The following ZNF488 variants were observed in gnomAD, a reference collection of about 807,000 sequenced individuals.
The protein encoded by ZNF488 is zinc finger protein 488.
ZNF488 carries 1 observed loss-of-function variant against 1.2 expected under a neutral mutation model. That is an observed-to-expected ratio of 0.86 (90% CI 0.30 to 4.07). The LOEUF (loss-of-function observed/expected upper bound fraction) is 4.07. Ranked by LOEUF, ZNF488 falls within the 30% of genes most tolerant of loss-of-function variation. ZNF488 has a pLI of 0.18. For missense variants in ZNF488, 450 were observed against 437.9 expected (o/e 1.03, Z -0.25); for synonymous variants, 185 against 190.1 (o/e 0.97, Z 0.22).
At chr10:47,378,158 G>A (rs529320302) in intron 1 of ZNF488, among the ~76,000 whole-genome samples, 23 of 152,286 alleles carry the variant, frequency 1.5e-4, no homozygotes, top group African/African-American at 5.1e-4. Flanking sequence ...GGATCCACTC[G>A]CTTCTCTGCT....
chr10:47,371,884 T>C (rs1837483002), intron 1 of ZNF488, among the ~76,000 whole-genome samples: 2 of 151,956 alleles, frequency 1.3e-5, no homozygotes, highest in Non-Finnish European at 1.5e-5. Flanking sequence ...TCCCAGTGGG[T>C]GGACTATTTC....
intron 1 of ZNF488, among the ~76,000 whole-genome samples, chr10:47,374,600 G>A (rs1555214208): frequency 1.3e-5 from 2 of 152,164 alleles, no homozygotes; most frequent in African/African-American, 4.8e-5. Flanking sequence ...TTAAATCCCT[G>A]TGAGAGCCAG....
At chr10:47,377,905 C>A (rs1555214645) in intron 1 of ZNF488, among the ~76,000 whole-genome samples, 1 of 152,178 alleles carries the variant, frequency 6.6e-6, no homozygotes, top group Non-Finnish European at 1.5e-5. Flanking sequence ...TTTCTCCTGA[C>A]CCTCAGGAGT....
At chr10:47,371,520 T>C (rs1289858831) in intron 1 of ZNF488, among the ~76,000 whole-genome samples, 1 of 152,228 alleles carries the variant, frequency 6.6e-6, no homozygotes, top group Non-Finnish European at 1.5e-5. Context: ...ATATGTAATG[T>C]GCTATATACT....
At chr10:47,373,456 G>T (rs943237996) in intron 1 of ZNF488, among the ~76,000 whole-genome samples, 9 of 152,140 alleles carry the variant, frequency 5.9e-5, no homozygotes, top group Non-Finnish European at 1.2e-4. Context: ...TCACCTCCAC[G>T]CATTTATTAT....
At chr10:47,374,580 A>G (rs529684191) in intron 1 of ZNF488, among the ~76,000 whole-genome samples, 2 of 152,306 alleles carry the variant, frequency 1.3e-5, no homozygotes, top group South Asian at 4.1e-4. Context: ...AAAGGCTATC[A>G]TGCAGCTCAT....
chr10:47,370,402 C>A (rs1290947357), intron 1 of ZNF488, among the ~76,000 whole-genome samples: 1 of 152,258 alleles, frequency 6.6e-6, no homozygotes, highest in Admixed American at 6.5e-5. Flanking sequence ...CCCAGCTTTT[C>A]CTTAGGGAAA....
Position 47,368,005 on chromosome 10 carries a change from G to C in ZNF488, c.825C>G (p.Asn275Lys). The C allele has an allele frequency of 6.2e-7, 1 of 1,614,182 alleles. No individual in the cohort carries two copies. Among genetic ancestry groups the C allele is most frequent in the South Asian group, 1.1e-5 (1 of 91,078 alleles). Residue 275 changes from asparagine (N) to lysine (K), a missense_variant, in exon 2 of 2, where the codon AAC becomes AAG. By Grantham distance (94) the Asn-to-Lys change is moderately conservative. Coordinates refer to ENST00000585316, the MANE Select transcript of ZNF488 (RefSeq NM_153034.4). ...AGGACAGGTTGCACTTTGCACACCA[G>C]TTCTGGGTGGACAAGCCCAGGGAGG... Reference protein sequence around the residue: ...TLTSLGLSTQNWCAKCNLSFR... With the variant: ...TLTSLGLSTQKWCAKCNLSFR...
intron 1 of ZNF488, among the ~76,000 whole-genome samples, chr10:47,383,918 CAA>C (rs1189351305): frequency 8.0e-5 from 12 of 150,760 alleles, no homozygotes; most frequent in Non-Finnish European, 1.5e-4. Flanking sequence ...GAAGAATAAA[CAA>C]AGAGAGGAAA....
chr10:47,368,713 A>T lies in ZNF488; in HGVS notation c.117T>A (p.Pro39=). The part of the protein sequence containing the change: ...SAENRWRLSE[P]ELGRGCKPVL... ...CTGGCTTGCAGCCCCGGCCCAGCTC[A>T]GGTTCGCTAAGTCGCCATCTGTTTT... is the stretch of plus-strand genomic sequence containing the variant. The change falls in exon 2 of 2, where the codon CCT becomes CCA. Residue 39 remains proline, a synonymous_variant. Transcript: ENST00000585316. The T allele has an allele frequency of 1.9e-6, 3 of 1,613,092 alleles. No homozygotes were observed. Among genetic ancestry groups the T allele is most frequent in the Non-Finnish European group, 2.5e-6 (3 of 1,180,042 alleles).
At chr10:47,381,247 C>G (rs554950268) in intron 1 of ZNF488, among the ~76,000 whole-genome samples, 12 of 152,370 alleles carry the variant, frequency 7.9e-5, no homozygotes, top group South Asian at 6.2e-4. Flanking sequence ...CCCGCTCCCC[C>G]CAAGCAGTGC....
rs1837322744 is a variant in ZNF488 at position 47,368,500 on chromosome 10, G to T, written c.330C>A (p.Asp110Glu). 1.2e-6 allele frequency: 2 copies of T among 1,613,844 alleles called. No homozygotes were observed. The highest frequency in any genetic ancestry group is 1.7e-6 in the Non-Finnish European group (2 of 1,179,976). Residue 110 changes from aspartate (D) to glutamate (E), a missense_variant, in exon 2 of 2, where the codon GAC (aspartate) becomes GAA (glutamate). Physicochemically the swap from Asp to Glu is conservative, Grantham distance 45. Transcript: ENST00000585316. Reference protein sequence around the residue: ...SAFTELPRMKDRQVDAQAQER... With the variant: ...SAFTELPRMKERQVDAQAQER... ...CCTGGGCCTGAGCATCCACCTGCCG[G>T]TCCTTCATCCTCGGCAGCTCCGTGA...
At chr10:47,372,533 G>A (rs1837514181) in intron 1 of ZNF488, among the ~76,000 whole-genome samples, 1 of 151,750 alleles carries the variant, frequency 6.6e-6, no homozygotes, top group Non-Finnish European at 1.5e-5. Flanking sequence ...AGAGACCAGT[G>A]TGAAGTATAG....
chr10:47,381,331 G>A (rs1837944605), intron 1 of ZNF488, among the ~76,000 whole-genome samples: 1 of 152,236 alleles, frequency 6.6e-6, no homozygotes, highest in Admixed American at 6.5e-5. Flanking sequence ...TAATCCTTTG[G>A]TATCCCTAGT....
Position 47,368,389 on chromosome 10 carries a change from G to T in ZNF488, c.441C>A (p.Val147=). The change falls in exon 2 of 2, where the codon GTC becomes GTA. Residue 147 remains valine, a synonymous_variant. Coordinates refer to ENST00000585316, the MANE Select transcript of ZNF488 (RefSeq NM_153034.4). The part of the protein sequence containing the change: ...NIPRGPAGSK[V]FSVWPSGARS... ...GTGCTCCGCTGGGCCACACAGAGAAGACTTTGCTGCCAGCTGGGCCTCTGG... is the reference window on the plus strand; with the variant it reads ...GTGCTCCGCTGGGCCACACAGAGAATACTTTGCTGCCAGCTGGGCCTCTGG... 6.2e-7 allele frequency: 1 copy of T among 1,614,192 alleles called. No individual in the cohort carries two copies. The highest frequency in any genetic ancestry group is 8.5e-7 in the Non-Finnish European group (1 of 1,180,036).
intron 1 of ZNF488, among the ~76,000 whole-genome samples, chr10:47,379,142 G>C (rs7087080): frequency 6.6e-4 from 85 of 129,264 alleles, no homozygotes; most frequent in African/African-American, 2.1e-3. Context: ...GGATGCTTCA[G>C]GGTATCAGAA....
chr10:47,377,671 TCA>T (rs55901237), intron 1 of ZNF488, among the ~76,000 whole-genome samples: 8,622 of 104,666 alleles, frequency 0.082, 423 homozygotes, highest in East Asian at 0.2. Flanking sequence ...GCAATAACAA[TCA>T]CACACACACA....
intron 1 of ZNF488, among the ~76,000 whole-genome samples, chr10:47,379,929 C>T (rs1311225960): frequency 6.6e-6 from 1 of 152,246 alleles, no homozygotes; most frequent in Non-Finnish European, 1.5e-5. Flanking sequence ...CTCCTGCTTT[C>T]CTCCGGGAAC....
At chr10:47,383,084 T>C (rs1159121116) in intron 1 of ZNF488, among the ~76,000 whole-genome samples, 1 of 152,214 alleles carries the variant, frequency 6.6e-6, no homozygotes, top group Non-Finnish European at 1.5e-5. Flanking sequence ...TATAGTTCTA[T>C]TTTATCCCTC....
Sources: allele counts gnomAD v4.1 joint callset (sites outside exome capture counted in the v4.1 genomes callset), GRCh38; gene constraint gnomAD v4.1.1; transcripts MANE v1.5; gene names NCBI Gene and HGNC (gene_info 2026-07-23, HGNC 2026-07-21).